LRRN1: variants seen among roughly 807,000 people sequenced by gnomAD.
The protein encoded by LRRN1 is leucine-rich repeat neuronal protein 1.
Under a neutral mutation model 45.8 loss-of-function variants are expected in LRRN1, and 14 were observed. That is an observed-to-expected ratio of 0.31 (90% CI 0.20 to 0.48). The LOEUF (loss-of-function observed/expected upper bound fraction) is 0.48. Among genes scored for constraint, LRRN1 ranks in the 20% least tolerant of loss-of-function variants. The pLI, the probability that LRRN1 is intolerant of heterozygous loss-of-function variation, is 0.99. For synonymous variants in LRRN1, 359 were observed against 330.1 expected (o/e 1.09, Z -0.95); for missense variants, 789 against 874.2 (o/e 0.90, Z 1.23).
At chr3:3,841,808 G>A (rs1207786211) in intron 1 of LRRN1, among the ~76,000 whole-genome samples, 1 of 152,106 alleles carries the variant, frequency 6.6e-6, no homozygotes, top group Non-Finnish European at 1.5e-5. Context: ...GTGAGCCACC[G>A]CGCCCGGCCT....
At chr3:3,836,545 A>C (rs891409809) in intron 1 of LRRN1, among the ~76,000 whole-genome samples, 3 of 152,118 alleles carry the variant, frequency 2.0e-5, no homozygotes, top group African/African-American at 7.2e-5. Context: ...TTGTATGTAC[A>C]CACCACATTT....
At chr3:3,815,481 T>C (rs1410432932) in intron 1 of LRRN1, among the ~76,000 whole-genome samples, 1 of 152,168 alleles carries the variant, frequency 6.6e-6, no homozygotes, top group East Asian at 1.9e-4. Context: ...ACTAGCCACA[T>C]GTTGATGGTA....
intron 1 of LRRN1, among the ~76,000 whole-genome samples, chr3:3,830,598 C>G (rs1310040106): frequency 6.6e-6 from 1 of 152,218 alleles, no homozygotes; most frequent in African/African-American, 2.4e-5. Context: ...TCATAGGGAA[C>G]TCCCCATGAG....
At chr3:3,814,759 G>T (rs1313541270) in intron 1 of LRRN1, among the ~76,000 whole-genome samples, 2 of 152,108 alleles carry the variant, frequency 1.3e-5, no homozygotes, top group Non-Finnish European at 2.9e-5. Context: ...GCCCCCTTCT[G>T]CCATGTGAAG....
chr3:3,845,088 C>T lies in LRRN1; in HGVS notation c.447C>T (p.Tyr149=). 2 of 1,614,168 alleles carry T rather than the reference C, an allele frequency of 1.2e-6. No individual in the cohort carries two copies. Among genetic ancestry groups the T allele is most frequent in the East Asian group, 2.2e-5 (1 of 44,870 alleles). The change falls in exon 2 of 2, where the codon TAC becomes TAT. Residue 149 remains tyrosine (Y), a synonymous_variant. Transcript: ENST00000319331. This position sits in a 1 kb window ranked among gnomAD's most constrained non-coding sequence, Gnocchi z 6.5. ...ACCTCAGCAACCTTCAAGAACTCTA[C>T]ATCAACCACAACCAAATTAGCACTA... ...LQDLSNLQEL[Y]INHNQISTIS...
intron 1 of LRRN1, among the ~76,000 whole-genome samples, chr3:3,802,212 C>T (rs1477498731): frequency 6.6e-6 from 1 of 152,226 alleles, no homozygotes; most frequent in Non-Finnish European, 1.5e-5. Flanking sequence ...CCGTGTCTAA[C>T]ATTAGCTGCG....
rs367939708 is a variant in LRRN1 at position 3,823,462 on chromosome 3, A to T, written c.-278-20902A>T. Among the ~76,000 whole-genome samples the T allele has an allele frequency of 2.0e-5, 3 of 152,040 alleles. No individual in the cohort carries two copies. The South Asian group carries it at 6.2e-4, about 32-fold the overall frequency. ...AAAAGTTCCAGATAATTTTCAGGAG[A>T]TTGTTTTCAGGACATAAATTAATTT... On this transcript the variant is annotated intron_variant, in intron 1 of 1. Coordinates refer to ENST00000319331, the MANE Select transcript of LRRN1 (RefSeq NM_020873.7).
In LRRN1 at chr3:3,844,461, T is replaced by C. The variant is rs1693711416; in HGVS notation, c.-181T>C. On this transcript the variant is annotated 5_prime_UTR_variant, in exon 2 of 2. Coordinates refer to ENST00000319331, the MANE Select transcript of LRRN1 (RefSeq NM_020873.7). ...ACACAGTTAAAAGACTCCAAGTTGC[T>C]TTCTGCCTTTTGAAAACTCCTGAAA... 1 of 571,108 alleles carries C rather than the reference T, an allele frequency of 1.8e-6. No individual in the cohort carries two copies. Among genetic ancestry groups the C allele is most frequent in the Non-Finnish European group, 3.1e-6 (1 of 325,394 alleles). 35.4% of individuals were successfully genotyped at this position (571,108 alleles called of 1,614,324 possible). A position where few individuals can be genotyped will look rare whatever the true frequency, so the allele number is the denominator to read the frequency against.
chr3:3,837,632 G>A (rs1434345225), intron 1 of LRRN1, among the ~76,000 whole-genome samples: 1 of 152,148 alleles, frequency 6.6e-6, no homozygotes, highest in Non-Finnish European at 1.5e-5. Context: ...GGGTAATCCT[G>A]ATGTGAATGG....
intron 1 of LRRN1, among the ~76,000 whole-genome samples, chr3:3,827,001 G>C (rs1025026451): frequency 6.6e-6 from 1 of 151,932 alleles, no homozygotes; most frequent in African/African-American, 2.4e-5. Context: ...TGATTTCAAC[G>C]ATCTATGCCT....
chr3:3,811,895 CAG>C (rs1439625396), intron 1 of LRRN1, among the ~76,000 whole-genome samples: 9 of 152,248 alleles, frequency 5.9e-5, no homozygotes, highest in African/African-American at 1.7e-4. Flanking sequence ...AGCAGAAAAA[CAG>C]GGGCTCAGAC....
At chr3:3,806,943 G>A (rs1205079618) in intron 1 of LRRN1, among the ~76,000 whole-genome samples, 3 of 152,138 alleles carry the variant, frequency 2.0e-5, no homozygotes, top group African/African-American at 7.2e-5. Context: ...GAGACTGGAG[G>A]TGGGATAAGA....
chr3:3,840,918 T>C (rs1323725884), intron 1 of LRRN1, among the ~76,000 whole-genome samples: 3 of 152,224 alleles, frequency 2.0e-5, no homozygotes, highest in Admixed American at 1.3e-4. Flanking sequence ...TATTTCTCAA[T>C]ACTAACAGAC....
chr3:3,833,853 C>T (rs973176607), intron 1 of LRRN1, among the ~76,000 whole-genome samples: 3 of 152,150 alleles, frequency 2.0e-5, no homozygotes, highest in Non-Finnish European at 4.4e-5. Context: ...AGTTTACAAA[C>T]GTAGTGTCCT....
intron 1 of LRRN1, among the ~76,000 whole-genome samples, chr3:3,802,065 C>T (rs1399466830): frequency 2.0e-5 from 3 of 152,182 alleles, no homozygotes; most frequent in Admixed American, 6.5e-5. Context: ...AAAGTCATTT[C>T]GGTTCTTAAG....
chr3:3,843,574 C>G (rs559350450), intron 1 of LRRN1, among the ~76,000 whole-genome samples: 3 of 151,584 alleles, frequency 2.0e-5, no homozygotes, highest in Admixed American at 6.6e-5. Flanking sequence ...ACTGTACCCC[C>G]CCCCATACCC....
At chr3:3,827,061 A>G (rs1389395217) in intron 1 of LRRN1, among the ~76,000 whole-genome samples, 2 of 152,198 alleles carry the variant, frequency 1.3e-5, no homozygotes, top group Non-Finnish European at 2.9e-5. Flanking sequence ...AATACGAGAC[A>G]TCAATCCTGT....
chr3:3,836,669 A>G (rs1018956571), intron 1 of LRRN1, among the ~76,000 whole-genome samples: 2 of 152,156 alleles, frequency 1.3e-5, no homozygotes, highest in South Asian at 4.1e-4. Context: ...ATGGAAGGAA[A>G]CTGATTAACA....
chr3:3,803,619 C>G (rs972585802), intron 1 of LRRN1, among the ~76,000 whole-genome samples: 1 of 152,094 alleles, frequency 6.6e-6, no homozygotes, highest in African/African-American at 2.4e-5. Flanking sequence ...TTTCTGGGAA[C>G]AATGAAAGTA....
Sources: gnomAD v4.1 joint callset for allele counts (sites outside exome capture counted in the v4.1 genomes callset) on GRCh38, gnomAD v4.1.1 for gene constraint, Gnocchi (gnomAD v3.1) non-coding constraint, MANE v1.5 for transcripts, NCBI Gene and HGNC (gene_info 2026-07-23, HGNC 2026-07-21) for gene names.